The following LONRF1 variants were observed in gnomAD, a reference collection of about 807,000 sequenced individuals.
LONRF1 encodes LON peptidase N-terminal domain and RING finger protein 1.
LONRF1 carries 37 observed loss-of-function variants against 85.8 expected under a neutral mutation model. The ratio of observed to expected loss-of-function variants is 0.43; its 90% CI spans 0.33 to 0.57. LONRF1 has a LOEUF of 0.57. Among genes scored for constraint, LONRF1 ranks in the 20% least tolerant of loss-of-function variants. The probability of loss-of-function intolerance (pLI) is 0.04; values close to 1 mark genes in which losing one functional copy is unlikely to be tolerated. For synonymous variants in LONRF1, 517 were observed against 390.1 expected (o/e 1.33, Z -3.83); for missense variants, 1,036 against 978.0 (o/e 1.06, Z -0.79).
At position 12,755,079 on chromosome 8, in the gene LONRF1, G is replaced by A. The variant is rs1478845179; in HGVS notation, c.342C>T (p.Asp114=). The change falls in exon 1 of 12, where the codon GAC becomes GAT. Residue 114 remains aspartate, a synonymous_variant. Transcript: ENST00000398246. ...ATCTGAGGAGCCCGCCGGCGCCGCC[G>A]TCAGCGCCTGCAACCGGGGCCGCGC... ...GWSAAPVAGA[D]GGAGGLLRCL... The A allele has an allele frequency of 3.4e-6, 5 of 1,472,218 alleles. No individual in the cohort carries two copies. The highest frequency in any genetic ancestry group is 2.9e-5 in the African/African-American group (2 of 68,070). The allele number at this position is 1,472,218 out of a possible 1,614,324, so 91.2% of individuals were successfully genotyped here.
intron 10 of LONRF1, among the ~76,000 whole-genome samples, chr8:12,726,674 T>G (rs373032007): frequency 2.0e-5 from 3 of 152,344 alleles, no homozygotes; most frequent in African/African-American, 7.2e-5. Flanking sequence ...CACTTGCTAC[T>G]TGCCAGGTCG....
At chr8:12,735,100 C>A (rs1468809317) in intron 7 of LONRF1, among the ~76,000 whole-genome samples, 186 bp downstream of exon 7, 3 of 152,018 alleles carry the variant, frequency 2.0e-5, no homozygotes, top group African/African-American at 7.2e-5. Flanking sequence ...CTTCTTTCTC[C>A]CCATCCTCTT....
In LONRF1 at chr8:12,726,108, C is replaced by CTTA. The variant is rs1274249088; in HGVS notation, c.2011-232_2011-230dup. 3 of 399,618 alleles carry CTTA rather than the reference C, an allele frequency of 7.5e-6. No homozygotes were observed. The East Asian group carries it at 1.0e-4, about 14-fold the overall frequency. 24.8% of individuals were successfully genotyped at this position (399,618 alleles called of 1,614,324 possible). On this transcript the variant is annotated intron_variant, in intron 10 of 11. Transcript: ENST00000398246. ...CCTGACCTATGCCTAACCTTGCTGACTTAGCAGTGCAATATTGCAGAACCC... is the reference window on the plus strand; with the variant it reads ...CCTGACCTATGCCTAACCTTGCTGACTTATTAGCAGTGCAATATTGCAGAACCC...
Position 12,754,842 on chromosome 8 carries a change from G to T in LONRF1, c.579C>A (p.Thr193=). The T allele has an allele frequency of 2.0e-6, 3 of 1,494,088 alleles. No individual in the cohort carries two copies. Among genetic ancestry groups the T allele is most frequent in the Non-Finnish European group, 2.7e-6 (3 of 1,126,984 alleles). The allele number at this position is 1,494,088 out of a possible 1,614,324, so 92.6% of individuals were successfully genotyped here. A position where few individuals can be genotyped will look rare whatever the true frequency, so the allele number is the denominator to read the frequency against. Reference sequence around the variant, plus strand: ...CGGCCAGGTGGTTGAGGACGACGCTGGTTCTGAAGTCTGAAGCGGCGATGG... The same window carrying T: ...CGGCCAGGTGGTTGAGGACGACGCTTGTTCTGAAGTCTGAAGCGGCGATGG... ...AAAIAASDFR[T]SVVLNHLAEK... Residue 193 remains threonine (T), a synonymous_variant, in exon 1 of 12, where the codon ACC becomes ACA. Transcript: ENST00000398246.
At chr8:12,730,265 G>T (rs936628834) in intron 8 of LONRF1, among the ~76,000 whole-genome samples, 2 of 152,164 alleles carry the variant, frequency 1.3e-5, no homozygotes, top group Non-Finnish European at 2.9e-5. Flanking sequence ...TTTAGATACT[G>T]ATCATGAATA....
chr8:12,750,410 T>C (rs1799333789), intron 1 of LONRF1, among the ~76,000 whole-genome samples: 3 of 152,188 alleles, frequency 2.0e-5, no homozygotes, highest in Admixed American at 2.0e-4. Flanking sequence ...CTATCATACC[T>C]GTGATAAACT....
intron 2 of LONRF1, among the ~76,000 whole-genome samples, chr8:12,742,816 C>A (rs1264111668): frequency 6.6e-6 from 1 of 152,076 alleles, no homozygotes; most frequent in African/African-American, 2.4e-5. Context: ...ACCTCAATCT[C>A]CAGGGCTCCA....
intron 4 of LONRF1, among the ~76,000 whole-genome samples, 155 bp downstream of exon 4, chr8:12,737,840 G>A (rs1222088339): frequency 1.3e-5 from 2 of 152,166 alleles, no homozygotes; most frequent in East Asian, 3.9e-4. Context: ...AGATTTTAGT[G>A]TAAAGTAAAG....
At chr8:12,750,764 C>G (rs113609638) in intron 1 of LONRF1, among the ~76,000 whole-genome samples, 3,844 of 152,258 alleles carry the variant, frequency 0.025, 96 homozygotes, top group South Asian at 0.12. Context: ...TGCTAGTTAA[C>G]ATGTGTAAAC....
intron 7 of LONRF1, among the ~76,000 whole-genome samples, chr8:12,733,324 A>G (rs1798598894): frequency 3.0e-5 from 1 of 33,712 alleles, no homozygotes; most frequent in Non-Finnish European, 1.7e-4. Context: ...AAAAATCTCA[A>G]TAAATGTAAC....
In LONRF1 at chr8:12,743,205, C is replaced by A; in HGVS notation, c.799G>T (p.Asp267Tyr). The change falls in exon 2 of 12, where the codon GAT (aspartate) becomes TAT (tyrosine). Residue 267 changes from aspartate (D) to tyrosine (Y), a missense_variant. Asp to Tyr is a radical substitution (Grantham distance 160). Around this residue, in one of 3 missense-constraint regions of LONRF1, gnomAD observed 742 missense variants for 614.4 expected, o/e 1.21. Transcript: ENST00000398246. ...GLQEFKAAIE[D>Y]LNAVLFQLPD... Reference sequence around the variant, plus strand: ...AGTTGAAAAAGAACTGCATTTAAATCTTCTATGGCTGCTTTAAACTCTTGG... The same window carrying A: ...AGTTGAAAAAGAACTGCATTTAAATATTCTATGGCTGCTTTAAACTCTTGG... 1 of 1,613,278 alleles carries A rather than the reference C, an allele frequency of 6.2e-7. No individual in the cohort carries two copies. The highest frequency in any genetic ancestry group is 8.5e-7 in the Non-Finnish European group (1 of 1,179,476).
chr8:12,749,456 G>A (rs1253322338), intron 1 of LONRF1, among the ~76,000 whole-genome samples: 3 of 152,134 alleles, frequency 2.0e-5, no homozygotes, highest in African/African-American at 4.8e-5. Flanking sequence ...AATACCTTTG[G>A]AAAGAGGCAG....
intron 8 of LONRF1, among the ~76,000 whole-genome samples, chr8:12,731,138 C>A (rs1798513860): frequency 6.6e-6 from 1 of 152,084 alleles, no homozygotes; most frequent in African/African-American, 2.4e-5. Flanking sequence ...CCTGCCTACC[C>A]AGCTCCATCA....
chr8:12,724,214 G>A (rs1012569386), intron 11 of LONRF1, among the ~76,000 whole-genome samples: 4 of 152,144 alleles, frequency 2.6e-5, no homozygotes, highest in Non-Finnish European at 4.4e-5. Context: ...AGAGTTGGCC[G>A]ATGAAAGGCA....
In LONRF1 at chr8:12,755,223, G is replaced by T. The variant is rs549393370; in HGVS notation, c.198C>A (p.Gly66=). 1,203 of 1,249,260 alleles carry T rather than the reference G, an allele frequency of 9.6e-4. 8 individuals are homozygous for T. In the African/African-American group the frequency reaches 0.017, roughly 18 times the overall value. The allele number at this position is 1,249,260 out of a possible 1,614,324, so 77.4% of individuals were successfully genotyped here. ...GCGCCGCCGCGAACGCCTCCAGCGC[G>T]CCCTTCAGGTGGCCGCCCAGCGCCA... ...ELLALGGHLK[G]ALEAFAAALR... Residue 66 remains glycine (G), a synonymous_variant, in exon 1 of 12, where the codon GGC becomes GGA. Coordinates refer to ENST00000398246, the MANE Select transcript of LONRF1 (RefSeq NM_152271.5).
At chr8:12,737,890 A>G (rs550559915) in intron 4 of LONRF1, 105 bp downstream of exon 4, 4 of 1,181,658 alleles carry the variant, frequency 3.4e-6, no homozygotes, top group South Asian at 3.2e-5. Flanking sequence ...AACCAGGTTA[A>G]AAGTACTTAA....
intron 1 of LONRF1, chr8:12,752,990 T>G (rs1585265509): frequency 6.6e-6 from 1 of 152,284 alleles, no homozygotes; most frequent in East Asian, 1.9e-4. Flanking sequence ...AAGTCTTCAC[T>G]GCCTGGCATC....
At chr8:12,753,789 T>C (rs965303739) in intron 1 of LONRF1, 1 of 152,298 alleles carries the variant, frequency 6.6e-6, no homozygotes, top group African/African-American at 2.4e-5. Context: ...CCGAGGCTGC[T>C]TCTTGGAGAC....
intron 1 of LONRF1, chr8:12,754,312 G>T (rs1249045390): frequency 6.1e-6 from 1 of 165,082 alleles, no homozygotes; most frequent in Middle Eastern, 2.7e-3. Flanking sequence ...GCCAATTCCC[G>T]GAAAGCGCGC....
Sources: gnomAD v4.1 joint callset for allele counts (sites outside exome capture counted in the v4.1 genomes callset) on GRCh38, gnomAD v4.1.1 for gene constraint, gnomAD v4.1.1 regional missense constraint, MANE v1.5 for transcripts, NCBI Gene and HGNC (gene_info 2026-07-23, HGNC 2026-07-21) for gene names.